The following GLIS3 variants were observed in gnomAD, a reference collection of about 807,000 sequenced individuals.
The protein encoded by GLIS3 is GLIS family zinc finger 3, also known as zinc finger protein GLIS3.
GLIS3 carries 53 observed loss-of-function variants against 78.6 expected under a neutral mutation model. That is an observed-to-expected ratio of 0.67 (90% CI 0.54 to 0.85). GLIS3 has a LOEUF of 0.85. GLIS3 is among the 40% of genes least tolerant of loss of function. The pLI is 0.00. For synonymous variants in GLIS3, 684 were observed against 509.9 expected, an observed-to-expected ratio of 1.34 and a Z score of -4.60; for missense variants, 1,703 against 1,231.1, an observed-to-expected ratio of 1.38 and a Z score of -5.74.
intron 2 of GLIS3, among the ~76,000 whole-genome samples, chr9:4,153,754 T>C (rs1345157190): frequency 6.6e-6 from 1 of 152,144 alleles, no homozygotes; most frequent in African/African-American, 2.4e-5. Context: ...GAAAGAAAAA[T>C]CAAAGTTAAA....
At chr9:3,867,288 A>G (rs562536644) in intron 8 of GLIS3, among the ~76,000 whole-genome samples, 1 of 152,336 alleles carries the variant, frequency 6.6e-6, no homozygotes, top group Non-Finnish European at 1.5e-5. Context: ...AGCCATTCAC[A>G]ATCACTAGAC....
chr9:4,373,428 A>G, the GLIS3 span, among the ~76,000 whole-genome samples: 2 of 152,170 alleles, frequency 1.3e-5, no homozygotes, highest in African/African-American at 2.4e-5. Flanking sequence ...AATCCTTTCC[A>G]CATGGTTCTG....
chr9:4,074,047 C>T (rs1351174761), intron 4 of GLIS3, among the ~76,000 whole-genome samples: 2 of 152,206 alleles, frequency 1.3e-5, no homozygotes, highest in Non-Finnish European at 2.9e-5. Flanking sequence ...GCACTCCAAG[C>T]ATTTCCTCCC....
intron 2 of GLIS3, among the ~76,000 whole-genome samples, chr9:4,206,758 C>T (rs988938640): frequency 1.3e-5 from 2 of 152,130 alleles, no homozygotes; most frequent in South Asian, 4.1e-4. Context: ...TTTGATAGAT[C>T]GAAACTCTGC....
chr9:4,103,087 ATC>A (rs1264041790), intron 4 of GLIS3, among the ~76,000 whole-genome samples: 1 of 152,210 alleles, frequency 6.6e-6, no homozygotes, highest in Non-Finnish European at 1.5e-5. Context: ...AGACATGAAC[ATC>A]ATAAAATTTT....
chr9:4,089,525 G>A (rs540094500), intron 4 of GLIS3, among the ~76,000 whole-genome samples: 1 of 152,198 alleles, frequency 6.6e-6, no homozygotes, highest in East Asian at 1.9e-4. Flanking sequence ...TTGCCAAAAT[G>A]TTAAAAACAT....
intron 2 of GLIS3, among the ~76,000 whole-genome samples, chr9:4,344,276 T>G (rs1475534278): frequency 6.6e-6 from 1 of 152,028 alleles, no homozygotes; most frequent in Admixed American, 6.6e-5. Flanking sequence ...TTGAAACAGC[T>G]CTCTTCAAGG....
chr9:4,340,059 C>A (rs554787253), intron 2 of GLIS3, among the ~76,000 whole-genome samples: 1 of 151,748 alleles, frequency 6.6e-6, no homozygotes, highest in Non-Finnish European at 1.5e-5. Context: ...TCTTGCTCAT[C>A]AGTGAATTCA....
intron 4 of GLIS3, among the ~76,000 whole-genome samples, chr9:4,012,663 G>T (rs1485185993): frequency 6.6e-6 from 1 of 151,698 alleles, no homozygotes; most frequent in East Asian, 1.9e-4. Context: ...GCCAGGAAAT[G>T]TGGGGACCGG....
intron 2 of GLIS3, among the ~76,000 whole-genome samples, chr9:4,248,754 T>A (rs1824059276): frequency 1.3e-5 from 2 of 152,230 alleles, no homozygotes; most frequent in Non-Finnish European, 2.9e-5. Flanking sequence ...GCATCTGTTG[T>A]TTCCTGACTT....
intron 9 of GLIS3, among the ~76,000 whole-genome samples, chr9:3,852,000 C>G (rs1373862399): frequency 1.3e-5 from 2 of 152,044 alleles, no homozygotes; most frequent in African/African-American, 2.4e-5. Flanking sequence ...AAAAAATTAG[C>G]TGGATGTGGG....
intron 2 of GLIS3, among the ~76,000 whole-genome samples, chr9:4,174,511 T>A (rs577654396): frequency 6.6e-6 from 1 of 152,304 alleles, no homozygotes; most frequent in South Asian, 2.1e-4. Context: ...TATCTTAGGA[T>A]CATCAAAAGA....
rs909110980 is a variant in GLIS3, at chr9:4,163,274, A to G, written c.389-37333T>C. On this transcript the variant is annotated intron_variant, in intron 2 of 10. Coordinates refer to ENST00000381971, the MANE Select transcript of GLIS3 (RefSeq NM_001042413.2). ...CACACACACACACACACACACGCGC[A>G]CGCGCGCACACATACCATTTCTCAA... is the stretch of plus-strand genomic sequence containing the variant. 1.1e-4 allele frequency among the ~76,000 whole-genome samples: 17 copies of G among 151,566 alleles called. No homozygotes were observed. The South Asian group carries it at 3.5e-3, about 32-fold the overall frequency.
At chr9:4,194,445 G>A (rs1350981425) in intron 2 of GLIS3, among the ~76,000 whole-genome samples, 1 of 152,138 alleles carries the variant, frequency 6.6e-6, no homozygotes, top group African/African-American at 2.4e-5. Flanking sequence ...CTTCATAAAT[G>A]TCATAAATTA....
intron 2 of GLIS3, among the ~76,000 whole-genome samples, chr9:4,249,751 G>A (rs1824172885): frequency 6.6e-6 from 1 of 152,144 alleles, no homozygotes; most frequent in Admixed American, 6.5e-5. Flanking sequence ...TATTGACTGT[G>A]GGTTTGTCAT....
chr9:4,188,810 G>T (rs955047988), intron 2 of GLIS3, among the ~76,000 whole-genome samples: 4 of 152,158 alleles, frequency 2.6e-5, no homozygotes, highest in African/African-American at 9.7e-5. Flanking sequence ...TTCTCTGATG[G>T]TAGTCTGTAT....
At chr9:4,380,050 T>C in the GLIS3 span, among the ~76,000 whole-genome samples, 1 of 152,120 alleles carries the variant, frequency 6.6e-6, no homozygotes, top group Non-Finnish European at 1.5e-5. Flanking sequence ...TCTTTCTGAG[T>C]CTCATTTTCA....
intron 3 of GLIS3, among the ~76,000 whole-genome samples, chr9:4,125,041 C>T (rs147454542): frequency 2.0e-5 from 3 of 152,200 alleles, no homozygotes; most frequent in African/African-American, 4.8e-5. Context: ...GGGGTGATTT[C>T]CCTTTTCTAT....
chr9:4,329,093 AC>A (rs1817645724), intron 2 of GLIS3, among the ~76,000 whole-genome samples: 1 of 152,164 alleles, frequency 6.6e-6, no homozygotes, highest in Non-Finnish European at 1.5e-5. Flanking sequence ...AATAGCCTAG[AC>A]CTTTTTCAAT....
Sources: gnomAD v4.1 joint callset for allele counts (sites outside exome capture counted in the v4.1 genomes callset) on GRCh38, gnomAD v4.1.1 for gene constraint, MANE v1.5 for transcripts, NCBI Gene and HGNC (gene_info 2026-07-23, HGNC 2026-07-21) for gene names.